Variants in RIMS2 observed in about 807,000 individuals in gnomAD.
RIMS2 encodes the protein regulating synaptic membrane exocytosis protein 2.
In RIMS2, 59 loss-of-function variants were observed where a neutral mutation model predicts 174.4. That is an observed-to-expected ratio of 0.34 (90% confidence interval 0.27 to 0.42). The LOEUF (loss-of-function observed/expected upper bound fraction) is 0.42. Among genes scored for constraint, RIMS2 ranks in the 10% least tolerant of loss-of-function variants. RIMS2 has a pLI of 1.00. For synonymous variants in RIMS2, 606 were observed against 572.5 expected (o/e 1.06, Z -0.84); for missense variants, 1,620 against 1,666.3 (o/e 0.97, Z 0.48).
chr8:104,235,427 G>A (rs781467057), intron 19 of RIMS2, among the ~76,000 whole-genome samples: 12 of 152,006 alleles, frequency 7.9e-5, no homozygotes, highest in Non-Finnish European at 1.3e-4. Flanking sequence ...ATCTTCTTAC[G>A]AAAACTAGAG....
At chr8:103,587,462 A>G (rs2094009067) in intron 1 of RIMS2, among the ~76,000 whole-genome samples, 1 of 104,878 alleles carries the variant, frequency 9.5e-6, no homozygotes, top group African/African-American at 3.9e-5. Flanking sequence ...GAAAGAAAGA[A>G]AGAAAGAAAC....
intron 3 of RIMS2, among the ~76,000 whole-genome samples, chr8:103,791,969 A>G (rs529435675): frequency 6.6e-6 from 1 of 152,276 alleles, no homozygotes; most frequent in South Asian, 2.1e-4. Flanking sequence ...CACAATAATA[A>G]TGGGACACTT....
chr8:103,896,504 G>A (rs902474933), intron 4 of RIMS2, among the ~76,000 whole-genome samples: 8 of 151,782 alleles, frequency 5.3e-5, no homozygotes, highest in Admixed American at 2.6e-4. Context: ...CCATACAATT[G>A]TTGTGACCAA....
At chr8:103,660,761 G>T (rs1329059603) in intron 1 of RIMS2, among the ~76,000 whole-genome samples, 1 of 152,160 alleles carries the variant, frequency 6.6e-6, no homozygotes, top group Admixed American at 6.5e-5. Flanking sequence ...ATTAAATGCT[G>T]TGTGGCTCAA....
chr8:104,135,776 G>C (rs1245808613), intron 19 of RIMS2, among the ~76,000 whole-genome samples: 1 of 152,122 alleles, frequency 6.6e-6, no homozygotes, highest in East Asian at 1.9e-4. Flanking sequence ...ATGATGGGCT[G>C]TGGAATCTAA....
intron 19 of RIMS2, among the ~76,000 whole-genome samples, chr8:104,095,692 G>C (rs184460276): frequency 6.6e-6 from 1 of 151,974 alleles, no homozygotes; most frequent in African/African-American, 2.4e-5. Flanking sequence ...ATTTTGGAGG[G>C]ATGGAGTTTT....
chr8:103,971,574 T>G (rs553601402), intron 15 of RIMS2, among the ~76,000 whole-genome samples: 47 of 152,128 alleles, frequency 3.1e-4, no homozygotes, highest in African/African-American at 1.1e-3. Context: ...TAGCATAGTT[T>G]TTTTTTTTTC....
intron 17 of RIMS2, among the ~76,000 whole-genome samples, chr8:104,004,579 A>C (rs1197986741): frequency 1.3e-5 from 2 of 152,184 alleles, no homozygotes; most frequent in Non-Finnish European, 2.9e-5. Flanking sequence ...TTATCAAGAA[A>C]GTGTGAAGGA....
chr8:103,540,862 T>C (rs1842252995), intron 1 of RIMS2, among the ~76,000 whole-genome samples: 1 of 151,536 alleles, frequency 6.6e-6, no homozygotes, highest in Non-Finnish European at 1.5e-5. Context: ...GAAAAAACAA[T>C]GACTGGAATG....
chr8:103,922,447 A>C (rs987390916), intron 10 of RIMS2, among the ~76,000 whole-genome samples: 2 of 151,922 alleles, frequency 1.3e-5, no homozygotes, highest in Non-Finnish European at 2.9e-5. Context: ...TTTACTTTTT[A>C]TTCGTTTGTT....
intron 19 of RIMS2, among the ~76,000 whole-genome samples, chr8:104,120,521 A>G (rs2098357316): frequency 6.6e-6 from 1 of 152,190 alleles, no homozygotes; most frequent in Non-Finnish European, 1.5e-5. Flanking sequence ...ATAGTAATTC[A>G]TTCTCCTCAG....
chr8:103,927,657 T>C (rs893079817), intron 10 of RIMS2, among the ~76,000 whole-genome samples: 3 of 151,556 alleles, frequency 2.0e-5, no homozygotes, highest in Non-Finnish European at 4.4e-5. Context: ...TTAATGTTTT[T>C]TGGCATTGGA....
At chr8:103,624,593 A>G (rs1465625992) in intron 1 of RIMS2, among the ~76,000 whole-genome samples, 2 of 152,246 alleles carry the variant, frequency 1.3e-5, no homozygotes, top group Non-Finnish European at 2.9e-5. Context: ...TTGAGGGAAT[A>G]ATCTAACTTT....
At chr8:103,824,060 T>A (rs1186896852) in intron 3 of RIMS2, among the ~76,000 whole-genome samples, 1 of 152,100 alleles carries the variant, frequency 6.6e-6, no homozygotes, top group Non-Finnish European at 1.5e-5. Flanking sequence ...TTGATTTAGA[T>A]ATGTGTGTCA....
chr8:104,247,679 A>AT (rs764371619), intron 20 of RIMS2, among the ~76,000 whole-genome samples: 1 of 152,124 alleles, frequency 6.6e-6, no homozygotes, highest in Non-Finnish European at 1.5e-5. Context: ...CAGAGTTTGG[A>AT]TTTTTTGTTT....
rs373574780 is a variant in RIMS2 at position 103,954,248 on chromosome 8, C to T, written c.2702-6817C>T. Reference sequence around the variant, plus strand: ...GGACTTGAACCCAACTCTGACCAAGCGGCCTAATAGACATCTACAGAACTC... The same window carrying T: ...GGACTTGAACCCAACTCTGACCAAGTGGCCTAATAGACATCTACAGAACTC... On this transcript the variant is annotated intron_variant, in intron 14 of 23. Transcript: ENST00000504942. Among the ~76,000 whole-genome samples the T allele has an allele frequency of 8.6e-5, 13 of 151,942 alleles. No homozygotes were observed. In the South Asian group the frequency reaches 1.2e-3, roughly 15 times the overall value.
chr8:103,593,264 T>C (rs2094341417), intron 1 of RIMS2, among the ~76,000 whole-genome samples: 1 of 151,416 alleles, frequency 6.6e-6, no homozygotes. Flanking sequence ...GATTTTTGGA[T>C]ATTGTATGAT....
intron 19 of RIMS2, among the ~76,000 whole-genome samples, chr8:104,097,158 C>G (rs1299539537): frequency 6.6e-6 from 1 of 151,960 alleles, no homozygotes; most frequent in Non-Finnish European, 1.5e-5. Flanking sequence ...TGTTTGAGAC[C>G]AGAAGTGTTT....
intron 1 of RIMS2, among the ~76,000 whole-genome samples, chr8:103,626,041 T>TA (rs1185256804): frequency 6.6e-6 from 1 of 152,070 alleles, no homozygotes; most frequent in African/African-American, 2.4e-5. Flanking sequence ...ACCTGTCACA[T>TA]AATAAGTATG....
Sources: allele counts gnomAD v4.1 joint callset (sites outside exome capture counted in the v4.1 genomes callset), GRCh38; gene constraint gnomAD v4.1.1; transcripts MANE v1.5; gene names NCBI Gene and HGNC (gene_info 2026-07-23, HGNC 2026-07-21).